SLC9A9: variants seen among roughly 807,000 people sequenced by gnomAD.
SLC9A9 encodes solute carrier family 9 member A9.
Under a neutral mutation model 77.8 loss-of-function variants are expected in SLC9A9, and 62 were observed. That is an observed-to-expected ratio of 0.80 (90% confidence interval 0.65 to 0.98). The LOEUF is 0.98. Ranked by LOEUF, SLC9A9 falls within the 50% of genes least tolerant of loss-of-function variation. The probability of loss-of-function intolerance (pLI) is 0.00; values close to 1 mark genes in which losing one functional copy is unlikely to be tolerated. For synonymous variants in SLC9A9, 320 were observed against 283.5 expected (o/e 1.13, Z -1.29); for missense variants, 775 against 774.9 (o/e 1.00, Z 0.00).
chr3:143,616,754 T>A (rs1463286988), intron 6 of SLC9A9, among the ~76,000 whole-genome samples: 1 of 152,178 alleles, frequency 6.6e-6, no homozygotes, highest in African/African-American at 2.4e-5. Flanking sequence ...TCCTGGCTTC[T>A]CCCAAGGATG....
intron 6 of SLC9A9, among the ~76,000 whole-genome samples, chr3:143,641,199 A>G (rs1377302312): frequency 6.6e-6 from 1 of 152,136 alleles, no homozygotes; most frequent in Non-Finnish European, 1.5e-5. Context: ...GCCACAAAGA[A>G]GAGAGCCTAA....
At chr3:143,286,215 T>TC (rs1938377166) in intron 14 of SLC9A9, among the ~76,000 whole-genome samples, 1 of 152,210 alleles carries the variant, frequency 6.6e-6, no homozygotes. Flanking sequence ...TTGCTGATTT[T>TC]AAGAGTGCTT....
chr3:143,702,315 G>C (rs886997546), intron 4 of SLC9A9, among the ~76,000 whole-genome samples: 1 of 152,110 alleles, frequency 6.6e-6, no homozygotes, highest in African/African-American at 2.4e-5. Context: ...ATCTTAATTA[G>C]AAAGGCTAAA....
rs74860932 is a variant in SLC9A9 at position 143,311,061 on chromosome 3, C to A, written c.1605-42081G>T. Among the ~76,000 whole-genome samples, 1,508 of 152,302 alleles carry A rather than the reference C, an allele frequency of 9.9e-3. 29 individuals are homozygous for A. Among genetic ancestry groups the A allele is most frequent in the African/African-American group, 0.034 (1,409 of 41,568 alleles). On this transcript the variant is annotated intron_variant, in intron 14 of 15. Coordinates refer to ENST00000316549, the MANE Select transcript of SLC9A9 (RefSeq NM_173653.4). ...TTGATTTCCAGGGAACCTTTCCCATCCACGTCAACCAAGACTAAAACTGGC... is the reference window on the plus strand; with the variant it reads ...TTGATTTCCAGGGAACCTTTCCCATACACGTCAACCAAGACTAAAACTGGC...
intron 12 of SLC9A9, among the ~76,000 whole-genome samples, chr3:143,428,596 A>C (rs1480251192): frequency 6.6e-6 from 1 of 152,204 alleles, no homozygotes; most frequent in Non-Finnish European, 1.5e-5. Flanking sequence ...TGTGTATCCA[A>C]ATGAAATGAA....
chr3:143,653,989 G>A (rs771972528), intron 5 of SLC9A9, among the ~76,000 whole-genome samples: 1 of 152,178 alleles, frequency 6.6e-6, no homozygotes, highest in Non-Finnish European at 1.5e-5. Context: ...CAGCACCCCA[G>A]AGATATTTGA....
intron 9 of SLC9A9, among the ~76,000 whole-genome samples, chr3:143,548,582 A>G (rs1384734599): frequency 6.6e-6 from 1 of 152,180 alleles, no homozygotes; most frequent in Non-Finnish European, 1.5e-5. Flanking sequence ...GCATATGTTC[A>G]TATACTCTTT....
At chr3:143,847,290 A>T (rs2009850459) in intron 1 of SLC9A9, among the ~76,000 whole-genome samples, 1 of 152,238 alleles carries the variant, frequency 6.6e-6, no homozygotes, top group South Asian at 2.1e-4. Context: ...TCAGGCTGAG[A>T]TAAGAGCAGT....
intron 1 of SLC9A9, among the ~76,000 whole-genome samples, chr3:143,840,344 AG>A (rs2009676905): frequency 6.6e-6 from 1 of 151,814 alleles, no homozygotes; most frequent in Non-Finnish European, 1.5e-5. Flanking sequence ...CCAGAAGCAT[AG>A]TTAATGGTTC....
At chr3:143,802,796 A>T (rs2008601752) in intron 2 of SLC9A9, among the ~76,000 whole-genome samples, 1 of 152,150 alleles carries the variant, frequency 6.6e-6, no homozygotes, top group Admixed American at 6.5e-5. Flanking sequence ...AGGACTGGAC[A>T]GTACTTTTAC....
chr3:143,806,738 G>GGT lies in SLC9A9; in HGVS notation c.379-9836_379-9835insAC, dbSNP rs879938853. On this transcript the variant is annotated intron_variant, in intron 2 of 15. Coordinates refer to ENST00000316549, the MANE Select transcript of SLC9A9 (RefSeq NM_173653.4). ...GCTGGGAAGGGTATTATGTGGTGGTGGGGGGGGCAAGTGGGGATTGTGAAT... is the reference window on the plus strand; with the variant it reads ...GCTGGGAAGGGTATTATGTGGTGGTGGTGGGGGGGCAAGTGGGGATTGTGAAT... 5.1e-4 allele frequency among the ~76,000 whole-genome samples: 50 copies of GGT among 98,260 alleles called. No individual in the cohort carries two copies. In the East Asian group the frequency reaches 5.1e-3, roughly 10 times the overall value. The allele number at this position is 98,260 out of a possible 152,430, so 64.5% of individuals were successfully genotyped here.
At chr3:143,652,629 C>A (rs576778948) in intron 5 of SLC9A9, among the ~76,000 whole-genome samples, 1 of 152,200 alleles carries the variant, frequency 6.6e-6, no homozygotes, top group East Asian at 1.9e-4. Flanking sequence ...CCCTCTGCCC[C>A]CTTTGCTGCC....
At chr3:143,727,319 AG>A (rs1344597982) in intron 4 of SLC9A9, among the ~76,000 whole-genome samples, 1 of 151,836 alleles carries the variant, frequency 6.6e-6, no homozygotes, top group African/African-American at 2.4e-5. Context: ...GGCAGGATAA[AG>A]GCAGGAGCCT....
chr3:143,767,757 C>T (rs1284054210), intron 4 of SLC9A9, among the ~76,000 whole-genome samples: 1 of 152,104 alleles, frequency 6.6e-6, no homozygotes, highest in Non-Finnish European at 1.5e-5. Flanking sequence ...GAAGAAATGG[C>T]TATTTAGATG....
chr3:143,431,183 C>T (rs2034506449), intron 12 of SLC9A9, among the ~76,000 whole-genome samples: 1 of 152,136 alleles, frequency 6.6e-6, no homozygotes, highest in African/African-American at 2.4e-5. Context: ...TGCCATCTGC[C>T]TTCCTTCTCT....
At chr3:143,384,573 ATCTTT>A (rs1273655092) in intron 12 of SLC9A9, among the ~76,000 whole-genome samples, 2 of 152,210 alleles carry the variant, frequency 1.3e-5, no homozygotes, top group African/African-American at 4.8e-5. Flanking sequence ...CTAAAGTGGA[ATCTTT>A]TCTTTGCAGC....
chr3:143,804,630 C>A (rs115109538), intron 2 of SLC9A9, among the ~76,000 whole-genome samples: 1,539 of 152,278 alleles, frequency 0.01, 27 homozygotes, highest in African/African-American at 0.035. Context: ...ACTGGACAGG[C>A]ACATGCTCAC....
At chr3:143,729,135 C>T (rs1934738845) in intron 4 of SLC9A9, among the ~76,000 whole-genome samples, 1 of 152,146 alleles carries the variant, frequency 6.6e-6, no homozygotes, top group African/African-American at 2.4e-5. Flanking sequence ...CTGGCCAACT[C>T]CTTCTCATTT....
At chr3:143,491,409 C>G (rs2035742919) in intron 11 of SLC9A9, among the ~76,000 whole-genome samples, 1 of 151,974 alleles carries the variant, frequency 6.6e-6, no homozygotes, top group African/African-American at 2.4e-5. Flanking sequence ...CACTGTAGTG[C>G]AAAAACAGCC....
Sources: allele counts gnomAD v4.1 joint callset (sites outside exome capture counted in the v4.1 genomes callset), GRCh38; gene constraint gnomAD v4.1.1; transcripts MANE v1.5; gene names NCBI Gene and HGNC (gene_info 2026-07-23, HGNC 2026-07-21).